Variants in ZNF730 observed in about 807,000 individuals in gnomAD.
ZNF730 encodes putative zinc finger protein 730.
A neutral mutation model predicts 12.6 loss-of-function variants in ZNF730; 12 were observed. The observed-to-expected ratio is 0.95, with a 90% CI of 0.61 to 1.54. The LOEUF is 1.54. Among genes scored for constraint, ZNF730 ranks in the 40% most tolerant of loss-of-function variants. The pLI is 0.00. For missense variants in ZNF730, 643 were observed against 583.5 expected (o/e 1.10, Z -1.05); for synonymous variants, 194 against 195.8 (o/e 0.99, Z 0.08).
At chr19:23,111,220 C>A (rs1970457609) in intron 1 of ZNF730, among the ~76,000 whole-genome samples, 1 of 152,128 alleles carries the variant, frequency 6.6e-6, no homozygotes, top group African/African-American at 2.4e-5. Flanking sequence ...GCATATAATC[C>A]CAATAAGACA....
At chr19:23,129,455 T>G (rs771199042) in intron 1 of ZNF730, among the ~76,000 whole-genome samples, 2 of 152,016 alleles carry the variant, frequency 1.3e-5, no homozygotes, top group Non-Finnish European at 2.9e-5. Context: ...AGGAGATCAT[T>G]TTGGAGCTTT....
At chr19:23,128,426 A>G in intron 1 of ZNF730, 1 of 380,814 alleles carries the variant, frequency 2.6e-6, no homozygotes, top group South Asian at 2.9e-5. Context: ...CCAGTCTATG[A>G]GAAGAAGCCC....
chr19:23,146,313 C>T lies in ZNF730; in HGVS notation c.1269C>T (p.Pro423=), dbSNP rs61738478. ...AGAGAATTCATACTGGAGAGAAACCCTACAAATGTGAAGAATGTGGCAGAG... is the reference window on the plus strand; with the variant it reads ...AGAGAATTCATACTGGAGAGAAACCTTACAAATGTGAAGAATGTGGCAGAG... ...THKRIHTGEK[P]YKCEECGRAF... is the part of the protein sequence containing the mutation. Residue 423 remains proline, a synonymous_variant, in exon 4 of 4, where the codon CCC becomes CCT. Transcript: ENST00000597761. 6.6e-5 allele frequency: 107 copies of T among 1,613,136 alleles called. No homozygotes were observed. In the South Asian group the frequency reaches 1.2e-3, roughly 17 times the overall value.
intron 3 of ZNF730, among the ~76,000 whole-genome samples, 181 bp from the exon 4 acceptor site, chr19:23,145,090 A>C (rs1218800111): frequency 6.6e-6 from 1 of 151,744 alleles, no homozygotes; most frequent in Non-Finnish European, 1.5e-5. Flanking sequence ...TACACACTCA[A>C]CTTACTTTTT....
intron 1 of ZNF730, among the ~76,000 whole-genome samples, chr19:23,093,450 G>A (rs535906591): frequency 2.0e-5 from 3 of 152,294 alleles, no homozygotes; most frequent in East Asian, 1.9e-4. Flanking sequence ...CGGAAGGGAC[G>A]GCATGCTGCA....
intron 1 of ZNF730, among the ~76,000 whole-genome samples, chr19:23,124,855 A>G (rs1970642172): frequency 6.6e-6 from 1 of 152,210 alleles, no homozygotes. Context: ...GGTTCTTATC[A>G]TACAGAAACT....
upstream of ZNF730, among the ~76,000 whole-genome samples, chr19:23,112,638 G>A (rs563542640): frequency 2.0e-5 from 3 of 151,754 alleles, no homozygotes; most frequent in Non-Finnish European, 4.4e-5. Context: ...CACGAGAATC[G>A]CTTAAACCCG....
At chr19:23,124,642 T>G (rs1970640430) in intron 1 of ZNF730, among the ~76,000 whole-genome samples, 1 of 152,244 alleles carries the variant, frequency 6.6e-6, no homozygotes, top group South Asian at 2.1e-4. Context: ...TTAATGCTAC[T>G]TCTTTCTCAG....
chr19:23,097,896 T>C (rs925355762), intron 1 of ZNF730, among the ~76,000 whole-genome samples: 1 of 152,124 alleles, frequency 6.6e-6, no homozygotes, highest in Non-Finnish European at 1.5e-5. Context: ...TTCAGCACTT[T>C]GGGAGGTCAA....
At chr19:23,076,392 C>T (rs1029085033) in intron 1 of ZNF730, among the ~76,000 whole-genome samples, 2 of 152,126 alleles carry the variant, frequency 1.3e-5, no homozygotes, top group Admixed American at 6.5e-5. Context: ...TTTTATCTTC[C>T]CTAGGTACAC....
chr19:23,089,967 G>A (rs563309476), intron 1 of ZNF730, among the ~76,000 whole-genome samples: 1 of 152,316 alleles, frequency 6.6e-6, no homozygotes, highest in East Asian at 1.9e-4. Flanking sequence ...AGCTGAGAGG[G>A]CTGGGCACAG....
At chr19:23,133,495 A>AGC (rs1368422720) in intron 1 of ZNF730, among the ~76,000 whole-genome samples, 1 of 152,108 alleles carries the variant, frequency 6.6e-6, no homozygotes, top group Non-Finnish European at 1.5e-5. Context: ...GGCATGCGCC[A>AGC]CCATGGCCAG....
chr19:23,092,600 TAAA>T (rs987851831), intron 1 of ZNF730, among the ~76,000 whole-genome samples: 6 of 151,984 alleles, frequency 3.9e-5, no homozygotes, highest in African/African-American at 1.4e-4. Flanking sequence ...AAAATAAAAA[TAAA>T]AAACAGATGG....
chr19:23,128,201 A>G, intron 1 of ZNF730: 1 of 781,332 alleles, frequency 1.3e-6, no homozygotes, highest in Non-Finnish European at 2.3e-6. Flanking sequence ...CACAGTACCA[A>G]ACAGTTCCCT....
intron 1 of ZNF730, among the ~76,000 whole-genome samples, chr19:23,120,621 T>C (rs553190184): frequency 6.6e-6 from 1 of 151,444 alleles, no homozygotes; most frequent in Non-Finnish European, 1.5e-5. Flanking sequence ...GATAATAAGA[T>C]AAGTGGTTAT....
chr19:23,143,103 G>T (rs1970950033), intron 3 of ZNF730, among the ~76,000 whole-genome samples: 1 of 152,114 alleles, frequency 6.6e-6, no homozygotes, highest in South Asian at 2.1e-4. Context: ...AATTAGCCGG[G>T]CGTGGTGGCA....
intron 1 of ZNF730, among the ~76,000 whole-genome samples, chr19:23,124,441 A>G (rs542019075): frequency 1.3e-5 from 2 of 152,346 alleles, no homozygotes; most frequent in African/African-American, 4.8e-5. Context: ...GAATCAGGAC[A>G]GGTGATCCAG....
At chr19:23,106,549 T>G (rs1970394386) in intron 1 of ZNF730, among the ~76,000 whole-genome samples, 1 of 152,024 alleles carries the variant, frequency 6.6e-6, no homozygotes. Flanking sequence ...CCCAGCATTT[T>G]GGGAGGCCGA....
intron 1 of ZNF730, among the ~76,000 whole-genome samples, chr19:23,107,472 A>AAAAAAAC: frequency 1.3e-5 from 2 of 149,890 alleles, no homozygotes; most frequent in Admixed American, 6.7e-5. Flanking sequence ...AAAAAAAAAA[A>AAAAAAAC]AAACCACCAC....
Sources: allele counts gnomAD v4.1 joint callset (sites outside exome capture counted in the v4.1 genomes callset), GRCh38; gene constraint gnomAD v4.1.1; transcripts MANE v1.5; gene names NCBI Gene and HGNC (gene_info 2026-07-23, HGNC 2026-07-21).